The following UGT8 variants were observed in gnomAD, a reference collection of about 807,000 sequenced individuals.
UGT8 encodes UDP glycosyltransferase 8.
In UGT8, 12 loss-of-function variants were observed where a neutral mutation model predicts 40.5. The observed-to-expected ratio is 0.30, with a 90% CI of 0.19 to 0.48. The LOEUF (loss-of-function observed/expected upper bound fraction) is 0.48. Among genes scored for constraint, UGT8 ranks in the 20% least tolerant of loss-of-function variants. The pLI is 0.99. For synonymous variants in UGT8, 224 were observed against 240.4 expected, an observed-to-expected ratio of 0.93 and a Z score of 0.63; for missense variants, 513 against 648.7, an observed-to-expected ratio of 0.79 and a Z score of 2.27.
At chr4:114,629,519 G>A (rs1732443419) in intron 2 of UGT8, among the ~76,000 whole-genome samples, 1 of 152,152 alleles carries the variant, frequency 6.6e-6, no homozygotes, top group African/African-American at 2.4e-5. Context: ...AATGTAAAAT[G>A]TTTTTGCAGA....
At chr4:114,652,652 G>T (rs1733953850) in intron 2 of UGT8, among the ~76,000 whole-genome samples, 1 of 151,970 alleles carries the variant, frequency 6.6e-6, no homozygotes, top group Non-Finnish European at 1.5e-5. Context: ...TGGTATTGAA[G>T]GATTAGAAGA....
chr4:114,640,622 A>G (rs1733164120), intron 2 of UGT8, among the ~76,000 whole-genome samples: 1 of 152,122 alleles, frequency 6.6e-6, no homozygotes, highest in Admixed American at 6.5e-5. Flanking sequence ...TACAAAGGAA[A>G]GTGGTTTAAT....
At chr4:114,611,457 C>CAGAG (rs376882230) in intron 1 of UGT8, among the ~76,000 whole-genome samples, 17 of 118,530 alleles carry the variant, frequency 1.4e-4, no homozygotes, top group Non-Finnish European at 2.2e-4. Flanking sequence ...CACACACACA[C>CAGAG]AGAGATATTA....
intron 1 of UGT8, among the ~76,000 whole-genome samples, chr4:114,610,826 A>G (rs551679596): frequency 3.4e-4 from 52 of 152,266 alleles, no homozygotes; most frequent in African/African-American, 1.2e-3. Context: ...GAGAGATTAC[A>G]TGAAAATTTA....
chr4:114,620,763 G>C (rs539635088), intron 1 of UGT8, among the ~76,000 whole-genome samples: 2 of 152,148 alleles, frequency 1.3e-5, no homozygotes, highest in African/African-American at 2.4e-5. Context: ...GTTATTGGAA[G>C]AATCTATTAG....
chr4:114,620,590 C>G (rs1013002189), intron 1 of UGT8, among the ~76,000 whole-genome samples: 2 of 152,092 alleles, frequency 1.3e-5, no homozygotes, highest in African/African-American at 4.8e-5. Flanking sequence ...ATTTTTAAAG[C>G]CTTATAATAA....
intron 2 of UGT8, among the ~76,000 whole-genome samples, chr4:114,628,660 T>C (rs1237329934): frequency 1.3e-5 from 2 of 151,054 alleles, no homozygotes; most frequent in Non-Finnish European, 2.9e-5. Flanking sequence ...TCAGAGATAC[T>C]ATATTTCCAC....
At chr4:114,631,973 A>G (rs1732606051) in intron 2 of UGT8, among the ~76,000 whole-genome samples, 1 of 152,208 alleles carries the variant, frequency 6.6e-6, no homozygotes, top group Non-Finnish European at 1.5e-5. Flanking sequence ...TTGAATGATC[A>G]GTTCTTGCTT....
At chr4:114,615,075 C>T (rs1560670405) in intron 1 of UGT8, among the ~76,000 whole-genome samples, 1 of 151,982 alleles carries the variant, frequency 6.6e-6, no homozygotes, top group Non-Finnish European at 1.5e-5. Context: ...ATTTAACAAC[C>T]AAGTAGATAT....
intron 5 of UGT8, among the ~76,000 whole-genome samples, chr4:114,673,344 A>C (rs1296234199): frequency 6.6e-6 from 1 of 152,234 alleles, no homozygotes; most frequent in African/African-American, 2.4e-5. Flanking sequence ...ATTCCTTTCC[A>C]GTTGATCCAT....
At chr4:114,604,769 A>G (rs75423382) in intron 1 of UGT8, among the ~76,000 whole-genome samples, 9,524 of 152,202 alleles carry the variant, frequency 0.063, 432 homozygotes, top group East Asian at 0.14. Flanking sequence ...TGTTGAATAA[A>G]ACAAAATTAG....
chr4:114,667,607 A>G (rs1451004198), intron 4 of UGT8, among the ~76,000 whole-genome samples: 9 of 152,200 alleles, frequency 5.9e-5, no homozygotes, highest in Non-Finnish European at 1.3e-4. Flanking sequence ...AGTGATTACA[A>G]CATTTCTTTT....
intron 4 of UGT8, among the ~76,000 whole-genome samples, 167 bp downstream of exon 4, chr4:114,665,923 G>A (rs184649833): frequency 1.4e-4 from 22 of 151,762 alleles, no homozygotes; most frequent in African/African-American, 4.8e-4. Flanking sequence ...TAAATTTGAG[G>A]CCAAAATTTT....
chr4:114,624,706 G>A (rs1156477449), intron 2 of UGT8, among the ~76,000 whole-genome samples: 1 of 152,078 alleles, frequency 6.6e-6, no homozygotes, highest in African/African-American at 2.4e-5. Context: ...TTTGTCGTGA[G>A]GCAATAAGGT....
chr4:114,676,713 T>C lies in UGT8; in HGVS notation c.*425T>C, dbSNP rs1423701528. 6.4e-6 allele frequency: 1 copy of C among 155,708 alleles called. No individual in the cohort carries two copies. The highest frequency in any genetic ancestry group is 2.4e-5 in the African/African-American group (1 of 41,370). The allele number at this position is 155,708 out of a possible 1,614,324, so 9.6% of individuals were successfully genotyped here. On this transcript the variant is annotated 3_prime_UTR_variant, in exon 6 of 6. Coordinates refer to ENST00000310836, the MANE Select transcript of UGT8 (RefSeq NM_001128174.3). ...AATTAAGAGAATTTTTACTGGCTGC[T>C]TGTTACATTTGTTGAGGGTACAACA...
chr4:114,612,204 A>G (rs932922227), intron 1 of UGT8, among the ~76,000 whole-genome samples: 1 of 152,032 alleles, frequency 6.6e-6, no homozygotes, highest in South Asian at 2.1e-4. Flanking sequence ...AAACCCACAC[A>G]TTTCTCAGTT....
intron 2 of UGT8, among the ~76,000 whole-genome samples, chr4:114,626,051 G>A (rs554457150): frequency 6.6e-6 from 1 of 152,150 alleles, no homozygotes; most frequent in East Asian, 1.9e-4. Context: ...TATTATTATT[G>A]GAAGTCTATT....
rs78541907 is a variant in UGT8, at chr4:114,656,668, G to A, written c.823-7327G>A. The A allele has an allele frequency of 3.3e-3, 1,212 of 371,040 alleles. 16 individuals carry two copies. Among genetic ancestry groups the A allele is most frequent in the African/African-American group, 0.024 (1,096 of 45,196 alleles). The allele number at this position is 371,040 out of a possible 1,614,324, so 23.0% of individuals were successfully genotyped here. A position where few individuals can be genotyped will look rare whatever the true frequency, so the allele number is the denominator to read the frequency against. On this transcript the variant is annotated intron_variant, in intron 2 of 5. Coordinates refer to ENST00000310836, the MANE Select transcript of UGT8 (RefSeq NM_001128174.3). ...CCTGTTGAAAGAACAGGTCTCACAG[G>A]GGAGAACAATAGAGGAGATACTTTG... is the stretch of plus-strand genomic sequence containing the variant.
intron 2 of UGT8, among the ~76,000 whole-genome samples, chr4:114,656,429 A>G (rs1435750652): frequency 6.6e-6 from 1 of 152,160 alleles, no homozygotes; most frequent in Non-Finnish European, 1.5e-5. Flanking sequence ...TAATTTGTTT[A>G]AAGTTCTAGG....
Sources: gnomAD v4.1 joint callset for allele counts (sites outside exome capture counted in the v4.1 genomes callset) on GRCh38, gnomAD v4.1.1 for gene constraint, MANE v1.5 for transcripts, NCBI Gene and HGNC (gene_info 2026-07-23, HGNC 2026-07-21) for gene names.